The following CSMD1 variants were observed in gnomAD, a reference collection of about 807,000 sequenced individuals.
CSMD1 encodes the protein CUB and sushi domain-containing protein 1.
Under a neutral mutation model 417.5 loss-of-function variants are expected in CSMD1, and 213 were observed. The observed-to-expected ratio is 0.51, with a 90% CI of 0.46 to 0.57. The LOEUF (loss-of-function observed/expected upper bound fraction) is 0.57. CSMD1 is among the 20% of genes least tolerant of loss of function. The probability of loss-of-function intolerance (pLI) is 0.00; values close to 1 mark genes in which losing one functional copy is unlikely to be tolerated. For missense variants in CSMD1, 6,923 were observed against 4,529.7 expected (o/e 1.53, Z -15.17); for synonymous variants, 2,862 against 1,736.8 (o/e 1.65, Z -16.11).
chr8:3,078,495 T>C (rs74954089), intron 49 of CSMD1, among the ~76,000 whole-genome samples: 4,116 of 152,310 alleles, frequency 0.027, 78 homozygotes, highest in Middle Eastern at 0.054. Context: ...ATTGACGGCG[T>C]TGGACTCTGC....
chr8:3,156,845 G>C (rs867911429), intron 39 of CSMD1, among the ~76,000 whole-genome samples: 1 of 151,976 alleles, frequency 6.6e-6, no homozygotes, highest in Non-Finnish European at 1.5e-5. Flanking sequence ...AGGGGACTGT[G>C]CCATCTTAAA....
chr8:3,164,172 G>A (rs549733428), intron 37 of CSMD1, among the ~76,000 whole-genome samples: 1 of 152,288 alleles, frequency 6.6e-6, no homozygotes, highest in Non-Finnish European at 1.5e-5. Flanking sequence ...AGAATCCCAT[G>A]CTACGGAATC....
At chr8:4,374,987 A>C in intron 3 of CSMD1, among the ~76,000 whole-genome samples, 1 of 116,328 alleles carries the variant, frequency 8.6e-6, no homozygotes, top group Admixed American at 8.7e-5. Flanking sequence ...TAGTGGGGGT[A>C]CGGGCAAGGA....
At chr8:3,184,276 A>G (rs920151573) in intron 36 of CSMD1, among the ~76,000 whole-genome samples, 4 of 152,130 alleles carry the variant, frequency 2.6e-5, no homozygotes, top group African/African-American at 7.2e-5. Flanking sequence ...CACTCACTCA[A>G]TTCAATAAAC....
intron 3 of CSMD1, among the ~76,000 whole-genome samples, chr8:4,418,496 A>C (rs1285168298): frequency 1.3e-5 from 2 of 152,284 alleles, no homozygotes; most frequent in East Asian, 3.9e-4. Context: ...CCACCTTTTC[A>C]GCTATCAACT....
intron 8 of CSMD1, among the ~76,000 whole-genome samples, chr8:3,608,853 C>T (rs988395553): frequency 2.0e-5 from 3 of 151,976 alleles, no homozygotes; most frequent in African/African-American, 7.3e-5. Flanking sequence ...CAACATGACA[C>T]ACCCCTTGCA....
At chr8:3,255,409 C>T (rs1800577185) in intron 26 of CSMD1, among the ~76,000 whole-genome samples, 1 of 152,190 alleles carries the variant, frequency 6.6e-6, no homozygotes, top group Non-Finnish European at 1.5e-5. Flanking sequence ...CAGACAGGGA[C>T]ATTTCAGTCT....
intron 3 of CSMD1, among the ~76,000 whole-genome samples, chr8:4,317,595 G>A (rs7828803): frequency 1 from 151,726 of 152,204 alleles, 75,628 homozygotes; most frequent in Middle Eastern, 1. Context: ...GAGAGAGAGA[G>A]GAGAGAGGGG....
chr8:4,481,379 G>A (rs1801094744), intron 2 of CSMD1, among the ~76,000 whole-genome samples: 1 of 152,186 alleles, frequency 6.6e-6, no homozygotes, highest in African/African-American at 2.4e-5. Flanking sequence ...AATATAAAAT[G>A]AGACATCTCA....
At chr8:4,526,750 T>G (rs10095988) in intron 2 of CSMD1, among the ~76,000 whole-genome samples, 18,292 of 152,246 alleles carry the variant, frequency 0.12, 1,536 homozygotes, top group African/African-American at 0.23. Context: ...AATAACAGGT[T>G]ACGTTAGCAG....
intron 2 of CSMD1, among the ~76,000 whole-genome samples, chr8:4,524,569 C>CTTTTTTTTTTTT (rs35453060): frequency 1.7e-5 from 2 of 117,912 alleles, no homozygotes; most frequent in Non-Finnish European, 3.3e-5. Context: ...CACACTTGGT[C>CTTTTTTTTTTTT]TTTTTTTTTT....
At chr8:4,875,143 G>C (rs1198619914) in intron 1 of CSMD1, among the ~76,000 whole-genome samples, 1 of 151,732 alleles carries the variant, frequency 6.6e-6, no homozygotes, top group Non-Finnish European at 1.5e-5. Context: ...TGGTAAGGTA[G>C]TATGTGCTCT....
intron 52 of CSMD1, among the ~76,000 whole-genome samples, chr8:3,007,144 A>G (rs934762257): frequency 6.7e-6 from 1 of 149,822 alleles, no homozygotes; most frequent in African/African-American, 2.5e-5. Flanking sequence ...AAAAGAAGAC[A>G]TTTATGCAGC....
chr8:3,220,808 G>C (rs755917621), intron 28 of CSMD1, among the ~76,000 whole-genome samples: 29 of 152,156 alleles, frequency 1.9e-4, no homozygotes, highest in Middle Eastern at 3.2e-3. Context: ...TCCAGCCTGG[G>C]TGACAGACAG....
rs1397319672 is a variant in CSMD1, at chr8:3,896,026, G to C, written c.818+101877C>G. ...TGCAGTGTGGTTTCTTCCAGAAAAA[G>C]AAAGGAAGAAATGACTGCGGAGCGC... On this transcript the variant is annotated intron_variant, in intron 5 of 69. Coordinates refer to ENST00000635120, the MANE Select transcript of CSMD1 (RefSeq NM_033225.6). Among the ~76,000 whole-genome samples the C allele has an allele frequency of 6.6e-5, 10 of 152,206 alleles. No individual in the cohort carries two copies. In the East Asian group the frequency reaches 9.6e-4, roughly 15 times the overall value.
intron 39 of CSMD1, among the ~76,000 whole-genome samples, chr8:3,152,222 G>A (rs934088717): frequency 1.3e-5 from 2 of 152,186 alleles, no homozygotes; most frequent in African/African-American, 4.8e-5. Context: ...CGACTCACAT[G>A]TTTTGCTACT....
intron 3 of CSMD1, among the ~76,000 whole-genome samples, chr8:4,215,813 C>T (rs569057508): frequency 3.3e-5 from 5 of 152,160 alleles, no homozygotes; most frequent in African/African-American, 1.2e-4. Context: ...CTGGCACTAA[C>T]ATTTCAAAGA....
At chr8:4,257,743 C>G (rs1803566966) in intron 3 of CSMD1, among the ~76,000 whole-genome samples, 1 of 152,142 alleles carries the variant, frequency 6.6e-6, no homozygotes. Context: ...TTCCGCTTTC[C>G]CGTTTGTTAG....
chr8:4,284,303 G>C (rs1215072356), intron 3 of CSMD1, among the ~76,000 whole-genome samples: 8 of 152,092 alleles, frequency 5.3e-5, no homozygotes, highest in Non-Finnish European at 1.0e-4. Flanking sequence ...AGGAGGCGGA[G>C]GTTGCCGTGA....
Sources: allele counts gnomAD v4.1 joint callset (sites outside exome capture counted in the v4.1 genomes callset), GRCh38; gene constraint gnomAD v4.1.1; transcripts MANE v1.5; gene names NCBI Gene and HGNC (gene_info 2026-07-23, HGNC 2026-07-21).